PRELID2: variants seen among roughly 807,000 people sequenced by gnomAD.
PRELID2 encodes the protein PRELI domain containing 2.
PRELID2 carries 25 observed loss-of-function variants against 28.4 expected under a neutral mutation model. The ratio of observed to expected loss-of-function variants is 0.88; its 90% confidence interval spans 0.64 to 1.23. The LOEUF (loss-of-function observed/expected upper bound fraction) is 1.23. PRELID2 is among the 50% of genes most tolerant of loss of function. The pLI, the probability that PRELID2 is intolerant of heterozygous loss-of-function variation, is 0.00. For synonymous variants in PRELID2, 76 were observed against 71.6 expected, an observed-to-expected ratio of 1.06 and a Z score of -0.31; for missense variants, 201 against 214.4, an observed-to-expected ratio of 0.94 and a Z score of 0.39.
At chr5:145,555,643 G>A (rs1222049946) in intron 1 of PRELID2, among the ~76,000 whole-genome samples, 1 of 152,132 alleles carries the variant, frequency 6.6e-6, no homozygotes, top group Non-Finnish European at 1.5e-5. Context: ...CACAGAAACT[G>A]TAGGTGGTTG....
intron 5 of PRELID2, among the ~76,000 whole-genome samples, chr5:145,774,247 G>C (rs1190949871): frequency 6.6e-6 from 1 of 152,194 alleles, no homozygotes; most frequent in Admixed American, 6.5e-5. Flanking sequence ...GCCTCGGAGA[G>C]GTAAATGACT....
intron 1 of PRELID2, among the ~76,000 whole-genome samples, chr5:145,709,867 A>G (rs1755646515): frequency 6.6e-6 from 1 of 152,206 alleles, no homozygotes. Context: ...GGAGGAATTG[A>G]ATGTGATCTT....
At chr5:145,569,911 TA>T (rs1453626336) in intron 1 of PRELID2, among the ~76,000 whole-genome samples, 9 of 152,170 alleles carry the variant, frequency 5.9e-5, no homozygotes, top group Non-Finnish European at 1.3e-4. Context: ...TAACAGAGTA[TA>T]GCAAACTGGG....
At chr5:145,426,644 A>G in the PRELID2 span, among the ~76,000 whole-genome samples, 1 of 152,262 alleles carries the variant, frequency 6.6e-6, no homozygotes, top group African/African-American at 2.4e-5. Context: ...ATTCTACATA[A>G]TCTTGTGTGA....
intron 1 of PRELID2, among the ~76,000 whole-genome samples, chr5:145,516,248 T>A (rs1450514478): frequency 6.6e-6 from 1 of 152,218 alleles, no homozygotes; most frequent in Non-Finnish European, 1.5e-5. Context: ...AACCCCATCG[T>A]CTGAGCCCAA....
chr5:145,439,517 A>G, the PRELID2 span, among the ~76,000 whole-genome samples: 2 of 152,110 alleles, frequency 1.3e-5, no homozygotes, highest in Non-Finnish European at 2.9e-5. Context: ...AAAGCCTATC[A>G]TCTTTAAAAT....
chr5:145,817,210 A>ATATATAT (rs1561643788), intron 4 of PRELID2, among the ~76,000 whole-genome samples: 37 of 67,894 alleles, frequency 5.4e-4, no homozygotes, highest in Non-Finnish European at 8.6e-4. Context: ...TAAATAAATA[A>ATATATAT]ATAAAAAAAA....
the PRELID2 span, among the ~76,000 whole-genome samples, chr5:145,286,405 A>G: frequency 6.6e-6 from 1 of 152,122 alleles, no homozygotes; most frequent in Non-Finnish European, 1.5e-5. Context: ...TTTACATGTT[A>G]TTTCATTAGA....
At chr5:145,740,805 ATATACAT>A (rs1163720867) in intron 1 of PRELID2, among the ~76,000 whole-genome samples, 3 of 115,106 alleles carry the variant, frequency 2.6e-5, no homozygotes, top group Non-Finnish European at 4.9e-5. Flanking sequence ...ACATATATGT[ATATACAT>A]TATACATATA....
chr5:145,579,857 T>C (rs1316722288), intron 1 of PRELID2, among the ~76,000 whole-genome samples: 2 of 152,006 alleles, frequency 1.3e-5, no homozygotes, highest in Non-Finnish European at 2.9e-5. Context: ...CTATCTCCCA[T>C]TGGCTCCCCC....
At chr5:145,819,791 T>C (rs1436024010) in intron 3 of PRELID2, 154 bp downstream of exon 3, 2 of 640,596 alleles carry the variant, frequency 3.1e-6, no homozygotes, top group Non-Finnish European at 5.6e-6. Flanking sequence ...AAAGTGAGGT[T>C]GGATAAGAAA....
At chr5:145,419,654 C>A in the PRELID2 span, among the ~76,000 whole-genome samples, 2 of 151,892 alleles carry the variant, frequency 1.3e-5, no homozygotes, top group African/African-American at 4.8e-5. Flanking sequence ...GAGTAGGTTG[C>A]GAAAATTTTC....
chr5:145,292,459 C>T, the PRELID2 span, among the ~76,000 whole-genome samples: 1 of 152,134 alleles, frequency 6.6e-6, no homozygotes, highest in Non-Finnish European at 1.5e-5. Flanking sequence ...ATGAGATACA[C>T]ACATTGTAAA....
At chr5:145,240,563 T>C in the PRELID2 span, among the ~76,000 whole-genome samples, 1 of 152,026 alleles carries the variant, frequency 6.6e-6, no homozygotes, top group Non-Finnish European at 1.5e-5. Flanking sequence ...ACTATACTTA[T>C]TATCAGGCAG....
the PRELID2 span, among the ~76,000 whole-genome samples, chr5:145,316,654 T>C: frequency 2.0e-5 from 3 of 152,210 alleles, no homozygotes; most frequent in South Asian, 6.2e-4. Context: ...CTATATTTAC[T>C]GAACTTAGGC....
intron 1 of PRELID2, among the ~76,000 whole-genome samples, chr5:145,735,200 G>C (rs1756461117): frequency 6.8e-6 from 1 of 147,396 alleles, no homozygotes. Flanking sequence ...AGTTGAGATT[G>C]CACCATTGCA....
chr5:145,262,136 C>T, the PRELID2 span, among the ~76,000 whole-genome samples: 11 of 151,800 alleles, frequency 7.2e-5, no homozygotes, highest in Non-Finnish European at 1.0e-4. Context: ...TTAACCCAAT[C>T]CAATAAAGAC....
chr5:145,560,536 A>G (rs150435292), intron 1 of PRELID2, among the ~76,000 whole-genome samples: 51 of 152,324 alleles, frequency 3.3e-4, no homozygotes, highest in Admixed American at 1.1e-3. Flanking sequence ...GAGGCTTTTA[A>G]CAGCTTTAAA....
At chr5:145,240,406 C>CA in the PRELID2 span, among the ~76,000 whole-genome samples, 4 of 151,728 alleles carry the variant, frequency 2.6e-5, no homozygotes, top group African/African-American at 4.8e-5. Context: ...ACTTTTTAAA[C>CA]AAAAATATTT....
Sources: gnomAD v4.1 joint callset for allele counts (sites outside exome capture counted in the v4.1 genomes callset) on GRCh38, gnomAD v4.1.1 for gene constraint, MANE v1.5 for transcripts, NCBI Gene and HGNC (gene_info 2026-07-23, HGNC 2026-07-21) for gene names.